DOCK10: variants seen among roughly 807,000 people sequenced by gnomAD.
The protein encoded by DOCK10 is dedicator of cytokinesis 10.
In DOCK10, 145 loss-of-function variants were observed where a neutral mutation model predicts 280.1. The ratio of observed to expected loss-of-function variants is 0.52; its 90% CI spans 0.45 to 0.59. The LOEUF is 0.59. DOCK10 is among the 20% of genes least tolerant of loss of function. The probability of loss-of-function intolerance (pLI) is 0.00; values close to 1 mark genes in which losing one functional copy is unlikely to be tolerated. For missense variants in DOCK10, 2,368 were observed against 2,651.7 expected, an observed-to-expected ratio of 0.89 and a Z score of 2.35; for synonymous variants, 915 against 942.2, an observed-to-expected ratio of 0.97 and a Z score of 0.53.
At chr2:224,869,690 T>C (rs767183430) in intron 11 of DOCK10, among the ~76,000 whole-genome samples, 7 of 152,204 alleles carry the variant, frequency 4.6e-5, no homozygotes, top group Non-Finnish European at 1.0e-4. Flanking sequence ...AACTTAACCC[T>C]TTGGCCTGAC....
At chr2:224,790,285 C>T (rs558910499) in intron 47 of DOCK10, among the ~76,000 whole-genome samples, 1 of 152,256 alleles carries the variant, frequency 6.6e-6, no homozygotes, top group East Asian at 1.9e-4. Context: ...GACAGACCAG[C>T]CCCTGCACTT....
At position 224,853,037 on chromosome 2, in the gene DOCK10, A is replaced by G. The variant is rs1378073945; in HGVS notation, c.1974T>C (p.Val658=). 5.0e-6 allele frequency: 8 copies of G among 1,612,190 alleles called. 1 individual carries two copies. The South Asian group carries it at 8.8e-5, about 18-fold the overall frequency. Residue 658 remains valine, a synonymous_variant, in exon 17 of 56, where the codon GTT becomes GTC. Transcript: ENST00000258390. ...GCCGACAATACTTTGTTGAATCGTA[A>G]ACAAATTCTTCCACCTCCACTGTGG... ...TEPTVEVEEF[V]YDSTKYCRPY...
intron 16 of DOCK10, among the ~76,000 whole-genome samples, chr2:224,854,500 A>C (rs190449120): frequency 6.6e-6 from 1 of 152,194 alleles, no homozygotes; most frequent in Non-Finnish European, 1.5e-5. Flanking sequence ...ACCCTCTGGC[A>C]GCACAATATG....
intron 1 of DOCK10, among the ~76,000 whole-genome samples, chr2:224,934,539 C>T (rs572654099): frequency 1.3e-5 from 2 of 152,340 alleles, no homozygotes; most frequent in Admixed American, 1.3e-4. Context: ...CTTTACACAT[C>T]TGTGATGGCG....
At chr2:224,799,546 G>A (rs1692826335) in intron 41 of DOCK10, among the ~76,000 whole-genome samples, 1 of 152,202 alleles carries the variant, frequency 6.6e-6, no homozygotes, top group South Asian at 2.1e-4. Flanking sequence ...GTATTGGAAT[G>A]GCTGGTCACA....
In DOCK10 at chr2:224,896,325, T is replaced by C. The variant is rs375436179; in HGVS notation, c.386A>G (p.Gln129Arg). The C allele has an allele frequency of 6.2e-6, 10 of 1,606,860 alleles. No homozygotes were observed. The highest frequency in any genetic ancestry group is 2.2e-5 in the East Asian group (1 of 44,626). Residue 129 changes from glutamine to arginine, a missense_variant, in exon 4 of 56, where the codon CAA (glutamine) becomes CGA (arginine). By Grantham distance (43) the Gln-to-Arg change is conservative. Coordinates refer to ENST00000258390, the MANE Select transcript of DOCK10 (RefSeq NM_014689.3). ...TAGCTGTCGAATGTCTCCAGAATAT[T>C]GTTCATATTTGTAGTTTACCACATG... Reference protein sequence around the residue: ...QWHVVNYKYEQYSGDIRQLPR... With the variant: ...QWHVVNYKYERYSGDIRQLPR...
At chr2:224,981,758 A>G (rs1469911680) in intron 1 of DOCK10, among the ~76,000 whole-genome samples, 1 of 152,264 alleles carries the variant, frequency 6.6e-6, no homozygotes, top group African/African-American at 2.4e-5. Flanking sequence ...AGAGTCAGAA[A>G]GAAAAGCCCC....
intron 22 of DOCK10, 47 bp downstream of exon 22, chr2:224,844,706 T>C: frequency 8.4e-7 from 1 of 1,188,780 alleles, no homozygotes; most frequent in Non-Finnish European, 1.2e-6. Flanking sequence ...TACCTCATGA[T>C]GCTGTGAGTT....
intron 1 of DOCK10, among the ~76,000 whole-genome samples, chr2:224,989,887 G>A (rs567532540): frequency 1.1e-4 from 16 of 152,072 alleles, no homozygotes; most frequent in East Asian, 1.9e-4. Flanking sequence ...TTTATCCCCC[G>A]ACAACTGTGA....
At chr2:224,849,417 C>A in intron 19 of DOCK10, 90 bp downstream of exon 19, 1 of 888,914 alleles carries the variant, frequency 1.1e-6, no homozygotes, top group Non-Finnish European at 1.8e-6. Flanking sequence ...CTGATGAGGT[C>A]TAGAGAGAGT....
rs1450695107 is a variant in DOCK10, at chr2:224,823,666, A to G, written c.3037-19T>C. 1.9e-6 allele frequency: 3 copies of G among 1,563,322 alleles called. No individual in the cohort carries two copies. The highest frequency in any genetic ancestry group is 2.6e-6 in the Non-Finnish European group (3 of 1,162,390). On this transcript the variant is annotated intron_variant, in intron 27 of 55. Coordinates refer to ENST00000258390, the MANE Select transcript of DOCK10 (RefSeq NM_014689.3). ...GGGGAAGCTAAGGAAAGAACGGATT[A>G]TATCTTTCTAATGTGGCATGTGAAA...
chr2:225,041,179 T>C (rs1311964221), intron 1 of DOCK10, among the ~76,000 whole-genome samples: 1 of 152,244 alleles, frequency 6.6e-6, no homozygotes, highest in Non-Finnish European at 1.5e-5. Context: ...GGGAAGCTTT[T>C]GGCGCCCTCC....
At chr2:224,837,625 T>C in intron 25 of DOCK10, 137 bp downstream of exon 25, 2 of 666,758 alleles carry the variant, frequency 3.0e-6, no homozygotes, top group East Asian at 5.4e-5. Flanking sequence ...TCTAAGTAGC[T>C]AAGGCAAATT....
chr2:224,959,993 G>T (rs1188306618), intron 1 of DOCK10, among the ~76,000 whole-genome samples: 1 of 151,968 alleles, frequency 6.6e-6, no homozygotes, highest in African/African-American at 2.4e-5. Context: ...TTTTCCTATG[G>T]GGAACACCTC....
chr2:224,949,443 C>T (rs1176144373), intron 1 of DOCK10, among the ~76,000 whole-genome samples: 4 of 152,184 alleles, frequency 2.6e-5, no homozygotes, highest in Non-Finnish European at 5.9e-5. Flanking sequence ...CATCACTGAA[C>T]TTTGTGAGAA....
intron 1 of DOCK10, among the ~76,000 whole-genome samples, chr2:224,997,346 C>T (rs1706303879): frequency 6.6e-6 from 1 of 152,066 alleles, no homozygotes; most frequent in Non-Finnish European, 1.5e-5. Flanking sequence ...ATTCTCCTGC[C>T]TCAGCCTCCC....
chr2:225,014,446 A>C (rs952907866), intron 1 of DOCK10, among the ~76,000 whole-genome samples: 3 of 152,140 alleles, frequency 2.0e-5, no homozygotes, highest in Non-Finnish European at 4.4e-5. Flanking sequence ...TGATAATATC[A>C]GTATAAGAAT....
Position 225,035,542 on chromosome 2 carries a change from T to TTATA in DOCK10, c.123+6706_123+6709dup, listed in dbSNP as rs57424275. 7.3e-3 allele frequency among the ~76,000 whole-genome samples: 365 copies of TTATA among 49,924 alleles called. 4 individuals carry two copies. Among genetic ancestry groups the TTATA allele is most frequent in the Non-Finnish European group, 8.9e-3 (231 of 25,856 alleles). The allele number at this position is 49,924 out of a possible 152,430, so 32.8% of individuals were successfully genotyped here. A position where few individuals can be genotyped will look rare whatever the true frequency, so the allele number is the denominator to read the frequency against. On this transcript the variant is annotated intron_variant, in intron 1 of 55. Coordinates refer to ENST00000258390, the MANE Select transcript of DOCK10 (RefSeq NM_014689.3). ...TAGATCTTATATGATATGATATATA[T>TTATA]TATATATATATATATATATATATAT...
intron 31 of DOCK10, among the ~76,000 whole-genome samples, chr2:224,810,967 C>T (rs1046882124): frequency 2.0e-5 from 3 of 152,048 alleles, no homozygotes; most frequent in African/African-American, 7.3e-5. Flanking sequence ...GTCTTTACAG[C>T]AGCATGATTT....
Sources: gnomAD v4.1 joint callset for allele counts (sites outside exome capture counted in the v4.1 genomes callset) on GRCh38, gnomAD v4.1.1 for gene constraint, MANE v1.5 for transcripts, NCBI Gene and HGNC (gene_info 2026-07-23, HGNC 2026-07-21) for gene names.